The following L3MBTL3 variants were observed in gnomAD, a reference collection of about 807,000 sequenced individuals.
The protein encoded by L3MBTL3 is L3MBTL histone methyl-lysine binding protein 3.
Under a neutral mutation model 102.3 loss-of-function variants are expected in L3MBTL3, and 27 were observed. The observed-to-expected ratio is 0.26, with a 90% CI of 0.19 to 0.36. The LOEUF (loss-of-function observed/expected upper bound fraction) is 0.36, where lower values mean the gene tolerates loss of function less well. Ranked by LOEUF, L3MBTL3 falls within the 10% of genes least tolerant of loss-of-function variation. The pLI, the probability that L3MBTL3 is intolerant of heterozygous loss-of-function variation, is 1.00. For missense variants in L3MBTL3, 798 were observed against 955.3 expected (o/e 0.84, Z 2.17); for synonymous variants, 340 against 320.9 (o/e 1.06, Z -0.64).
Position 130,052,946 on chromosome 6 carries a change from G to A in L3MBTL3, c.537G>A (p.Leu179=), listed in dbSNP as rs565477767. The A allele has an allele frequency of 2.5e-6, 4 of 1,613,858 alleles. No individual in the cohort carries two copies. In the South Asian group the frequency reaches 3.3e-5, roughly 13 times the overall value. The change falls in exon 7 of 23, where the codon CTG becomes CTA. Residue 179 remains leucine (L), a synonymous_variant. Coordinates refer to ENST00000361794, the MANE Select transcript of L3MBTL3 (RefSeq NM_032438.4). ...GGAAGAAAAAACCAAAATTATCTCT[G>A]AAAGCTGACACCAAGGAGGATGGAG... ...CSRKKKPKLS[L]KADTKEDGEE...
intron 18 of L3MBTL3, among the ~76,000 whole-genome samples, chr6:130,099,824 T>G (rs999285049): frequency 2.0e-5 from 3 of 152,218 alleles, no homozygotes; most frequent in Non-Finnish European, 4.4e-5. Context: ...AATAAATTGG[T>G]GACAATAGTA....
chr6:130,126,342 C>T (rs1483240083), intron 20 of L3MBTL3, among the ~76,000 whole-genome samples: 1 of 152,138 alleles, frequency 6.6e-6, no homozygotes, highest in Admixed American at 6.5e-5. Flanking sequence ...ATTCTCACCT[C>T]CTTTTGTCTG....
chr6:130,054,316 G>C (rs768309553), intron 7 of L3MBTL3, among the ~76,000 whole-genome samples: 27 of 152,204 alleles, frequency 1.8e-4, no homozygotes, highest in Non-Finnish European at 3.2e-4. Flanking sequence ...CAAGAGTCGA[G>C]GGTGTTCATT....
In L3MBTL3 at chr6:130,140,320, C is replaced by T. The variant is rs977145193; in HGVS notation, c.*567C>T. 1 of 152,632 alleles carries T rather than the reference C, an allele frequency of 6.6e-6. No homozygotes were observed. Among genetic ancestry groups the T allele is most frequent in the Non-Finnish European group, 1.5e-5 (1 of 68,088 alleles). 9.5% of individuals were successfully genotyped at this position (152,632 alleles called of 1,614,324 possible). On this transcript the variant is annotated 3_prime_UTR_variant, in exon 23 of 23. Transcript: ENST00000361794. ...TTGCCTAACTGCTTGTCATAATTGTCAGGGCTGAATAGTTGTAAGAATGAC... is the reference window on the plus strand; with the variant it reads ...TTGCCTAACTGCTTGTCATAATTGTTAGGGCTGAATAGTTGTAAGAATGAC...
At chr6:130,114,765 A>G (rs757752713) in intron 19 of L3MBTL3, among the ~76,000 whole-genome samples, 19 of 152,166 alleles carry the variant, frequency 1.2e-4, no homozygotes, top group Non-Finnish European at 2.5e-4. Flanking sequence ...TATCATCTCA[A>G]AAGGAATTTA....
chr6:130,093,358 C>T (rs531606451), intron 17 of L3MBTL3, among the ~76,000 whole-genome samples: 8 of 152,124 alleles, frequency 5.3e-5, no homozygotes, highest in Admixed American at 1.3e-4. Flanking sequence ...TAACATACCA[C>T]GGCCTTAATT....
At chr6:130,087,078 A>G (rs1370081766) in intron 16 of L3MBTL3, among the ~76,000 whole-genome samples, 2 of 152,204 alleles carry the variant, frequency 1.3e-5, no homozygotes. Flanking sequence ...CAGTGGCAGA[A>G]TGACTTCTTA....
intron 16 of L3MBTL3, among the ~76,000 whole-genome samples, chr6:130,087,983 T>C (rs1331751230): frequency 2.0e-5 from 3 of 152,184 alleles, no homozygotes; most frequent in African/African-American, 7.2e-5. Flanking sequence ...ATATTACTTT[T>C]ATAATTAAAA....
intron 19 of L3MBTL3, among the ~76,000 whole-genome samples, chr6:130,116,921 A>AT (rs1301094246): frequency 5.9e-5 from 3 of 50,736 alleles, no homozygotes; most frequent in East Asian, 2.9e-3. Context: ...TGTCATTTTT[A>AT]TTTTTTTTAT....
chr6:130,038,280 A>G (rs144362437), intron 2 of L3MBTL3, among the ~76,000 whole-genome samples: 195 of 152,168 alleles, frequency 1.3e-3, no homozygotes, highest in South Asian at 4.6e-3. Flanking sequence ...TTGGATATGT[A>G]CCCTGTAGTG....
intron 22 of L3MBTL3, among the ~76,000 whole-genome samples, chr6:130,136,975 T>G (rs951189325): frequency 1.5e-4 from 23 of 152,216 alleles, no homozygotes; most frequent in African/African-American, 4.6e-4. Flanking sequence ...GTTTATTGGC[T>G]TATGGTCTGT....
chr6:130,062,373 C>T (rs918040713), intron 10 of L3MBTL3, among the ~76,000 whole-genome samples: 26 of 151,330 alleles, frequency 1.7e-4, no homozygotes, highest in Non-Finnish European at 3.1e-4. Context: ...CAAACACACG[C>T]GCGCACACAC....
intron 22 of L3MBTL3, among the ~76,000 whole-genome samples, chr6:130,136,967 T>G (rs1194057861): frequency 6.6e-6 from 1 of 152,234 alleles, no homozygotes; most frequent in Non-Finnish European, 1.5e-5. Flanking sequence ...CTTAGTATGT[T>G]TATTGGCTTA....
chr6:130,025,948 G>A (rs1293025142), intron 2 of L3MBTL3, among the ~76,000 whole-genome samples: 1 of 152,074 alleles, frequency 6.6e-6, no homozygotes, highest in African/African-American at 2.4e-5. Context: ...TAGTTGGGGA[G>A]ATAACCCATA....
intron 1 of L3MBTL3, among the ~76,000 whole-genome samples, chr6:130,021,122 A>T (rs911041199): frequency 1.1e-4 from 16 of 152,008 alleles, no homozygotes; most frequent in Non-Finnish European, 2.1e-4. Context: ...ATTTTTGCGC[A>T]AGTTTTTAGA....
In L3MBTL3 at chr6:130,133,227, T is replaced by C. The variant is rs1304363437; in HGVS notation, c.1967-225T>C. On this transcript the variant is annotated intron_variant, in intron 20 of 22. Transcript: ENST00000361794. This position sits in a 1 kb window ranked among gnomAD's most constrained non-coding sequence, Gnocchi z 4.9. ...GTTGAACAACATAATGAAGCATGTC[T>C]TTAGTAATGAGTGCTGTAGCAAATG... Among the ~76,000 whole-genome samples, 1 of 152,250 alleles carries C rather than the reference T, an allele frequency of 6.6e-6. No individual in the cohort carries two copies. Among genetic ancestry groups the C allele is most frequent in the Non-Finnish European group, 1.5e-5 (1 of 68,044 alleles).
chr6:130,090,508 A>T (rs1480830593), intron 16 of L3MBTL3, among the ~76,000 whole-genome samples: 1 of 152,220 alleles, frequency 6.6e-6, no homozygotes, highest in Middle Eastern at 3.2e-3. Context: ...ACAGGCCAAT[A>T]GGAGAAGAAT....
chr6:130,118,910 G>A (rs963174143), intron 19 of L3MBTL3, among the ~76,000 whole-genome samples: 6 of 152,152 alleles, frequency 3.9e-5, no homozygotes, highest in Non-Finnish European at 7.4e-5. Flanking sequence ...CTTGGAAAGT[G>A]ATCTTTTTCT....
At chr6:130,119,265 A>G (rs1176281189) in intron 19 of L3MBTL3, among the ~76,000 whole-genome samples, 2 of 152,198 alleles carry the variant, frequency 1.3e-5, no homozygotes, top group African/African-American at 4.8e-5. Flanking sequence ...ATATGACTGT[A>G]GTGTATGGTT....
Sources: allele counts gnomAD v4.1 joint callset (sites outside exome capture counted in the v4.1 genomes callset), GRCh38; gene constraint gnomAD v4.1.1; non-coding constraint Gnocchi (gnomAD v3.1); transcripts MANE v1.5; gene names NCBI Gene and HGNC (gene_info 2026-07-23, HGNC 2026-07-21).